Variants in CR1L observed in about 807,000 individuals in gnomAD.
CR1L encodes the protein complement C3b/C4b receptor 1 like, also known as complement component receptor 1-like protein.
Under a neutral mutation model 62.3 loss-of-function variants are expected in CR1L, and 59 were observed. The observed-to-expected ratio is 0.95, with a 90% confidence interval of 0.77 to 1.18. CR1L has a LOEUF of 1.18. Ranked by LOEUF, CR1L falls within the 50% of genes most tolerant of loss-of-function variation. CR1L has a pLI of 0.00. For synonymous variants in CR1L, 279 were observed against 248.7 expected (o/e 1.12, Z -1.15); for missense variants, 700 against 702.8 (o/e 1.00, Z 0.04).
At chr1:207,692,909 T>A (rs1168591972) in intron 4 of CR1L, among the ~76,000 whole-genome samples, 1 of 152,234 alleles carries the variant, frequency 6.6e-6, no homozygotes, top group Non-Finnish European at 1.5e-5. Flanking sequence ...TGTTTCCTTC[T>A]TATTGCAATT....
Position 207,713,759 on chromosome 1 carries a change from G to A in CR1L, c.1415-3705G>A, listed in dbSNP as rs998807645. ...CCCAAACAGGGGTCCCCACGACCCC[G>A]AAGCCCAGAGGGGGTGTAACAGCAT... On this transcript the variant is annotated intron_variant, in intron 10 of 11. Coordinates refer to ENST00000508064, the MANE Select transcript of CR1L (RefSeq NM_175710.2). Among the ~76,000 whole-genome samples the A allele has an allele frequency of 3.3e-5, 5 of 152,228 alleles. No homozygotes were observed. In the South Asian group the frequency reaches 8.3e-4, roughly 25 times the overall value.
At chr1:207,647,662 G>T (rs373831755) in intron 1 of CR1L, among the ~76,000 whole-genome samples, 1 of 152,158 alleles carries the variant, frequency 6.6e-6, no homozygotes, top group Admixed American at 6.5e-5. Context: ...CTAGGAAAAA[G>T]TCCCTCCTGC....
intron 3 of CR1L, among the ~76,000 whole-genome samples, chr1:207,680,544 A>ATTT (rs61550356): frequency 5.9e-5 from 9 of 151,410 alleles, no homozygotes; most frequent in South Asian, 2.1e-4. Context: ...AAATAAAAAA[A>ATTT]TTTTTTTTTT....
intron 4 of CR1L, among the ~76,000 whole-genome samples, chr1:207,689,556 T>A (rs796581027): frequency 6.6e-6 from 1 of 152,152 alleles, no homozygotes; most frequent in Non-Finnish European, 1.5e-5. Flanking sequence ...TCAAGAGATC[T>A]TTGGTTATAA....
At position 207,660,260 on chromosome 1, in the gene CR1L, A is replaced by G. The variant is rs189013070; in HGVS notation, c.97+14930A>G. 2.3e-3 allele frequency among the ~76,000 whole-genome samples: 352 copies of G among 152,300 alleles called. 14 individuals are homozygous for G. Among genetic ancestry groups the G allele is most frequent in the Admixed American group, 0.021 (323 of 15,306 alleles). The stretch of plus-strand genomic sequence containing the variant: ...CCCCCGTATAGCCTAACTGGGAGAC[A>G]CCTCCCAATAGGGGCTGACAGACAC... On this transcript the variant is annotated intron_variant, in intron 1 of 11. Transcript: ENST00000508064.
chr1:207,679,140 G>A (rs1476998367), intron 3 of CR1L, among the ~76,000 whole-genome samples: 1 of 149,780 alleles, frequency 6.7e-6, no homozygotes, highest in African/African-American at 2.5e-5. Flanking sequence ...TGGGACAACA[G>A]GTGCCCACCA....
At chr1:207,665,988 T>C (rs183095428) in intron 1 of CR1L, among the ~76,000 whole-genome samples, 6 of 152,354 alleles carry the variant, frequency 3.9e-5, no homozygotes, top group Admixed American at 3.9e-4. Context: ...GAAGCCGCAC[T>C]GAGTAGAGAA....
intron 1 of CR1L, among the ~76,000 whole-genome samples, chr1:207,653,471 C>T (rs1158819790): frequency 6.6e-6 from 1 of 152,182 alleles, no homozygotes; most frequent in East Asian, 1.9e-4. Context: ...AACTGAGTGT[C>T]CCCTATTTAA....
intron 11 of CR1L, among the ~76,000 whole-genome samples, 197 bp downstream of exon 11, chr1:207,717,888 T>C (rs1016952651): frequency 6.6e-6 from 1 of 152,058 alleles, no homozygotes; most frequent in African/African-American, 2.4e-5. Flanking sequence ...CTGATGGCCT[T>C]TGGGGTGAGG....
rs371067231 is a variant in CR1L, at chr1:207,676,249, A to AT, written c.98-1130dup. ...AGACTTTTTAAATGGATGGATGCTGATTTTTTTTTTAAAAAAAGAGCCCAT... is the reference window on the plus strand; with the variant it reads ...AGACTTTTTAAATGGATGGATGCTGATTTTTTTTTTTAAAAAAAGAGCCCAT... On this transcript the variant is annotated intron_variant, in intron 1 of 11. Transcript: ENST00000508064. Among the ~76,000 whole-genome samples, 984 of 150,812 alleles carry AT rather than the reference A, an allele frequency of 6.5e-3. 15 individuals are homozygous for AT. Among genetic ancestry groups the AT allele is most frequent in the African/African-American group, 0.022 (914 of 41,240 alleles).
chr1:207,678,297 G>T lies in CR1L; in HGVS notation c.377G>T (p.Gly126Val), dbSNP rs372512321. The T allele has an allele frequency of 1.9e-6, 3 of 1,612,218 alleles. No individual in the cohort carries two copies. The South Asian group carries it at 3.3e-5, about 18-fold the overall frequency. The change falls in exon 3 of 12, where the codon GGA becomes GTA. Residue 126 changes from glycine (G) to valine (V), a missense_variant and splice_region_variant. Transcript: ENST00000508064. ...CAAATTAAATATTCTTGTCCTAAAG[G>T]GTGAGTTGGCATCTCTTGAACCAAC... ...RSQIKYSCPK[G>V]YRLIGSSSAT... is the part of the protein sequence containing the mutation.
intron 1 of CR1L, chr1:207,658,551 G>C (rs1022654713): frequency 2.0e-5 from 3 of 152,548 alleles, no homozygotes; most frequent in African/African-American, 7.2e-5. Context: ...ACTTGCTGGT[G>C]GAGCCCAACC....
intron 3 of CR1L, among the ~76,000 whole-genome samples, chr1:207,682,611 C>T (rs1397436485): frequency 1.3e-5 from 2 of 152,152 alleles, no homozygotes; most frequent in African/African-American, 4.8e-5. Context: ...GGCACTGTTT[C>T]GTTGTTTGAA....
At chr1:207,684,068 T>C in intron 4 of CR1L, 111 bp downstream of exon 4, 3 of 964,316 alleles carry the variant, frequency 3.1e-6, no homozygotes, top group Non-Finnish European at 4.6e-6. Flanking sequence ...TTCACATGGC[T>C]GAAGACAGCC....
chr1:207,718,954 TG>T (rs1364364252), intron 11 of CR1L, among the ~76,000 whole-genome samples: 1 of 149,668 alleles, frequency 6.7e-6, no homozygotes, highest in Non-Finnish European at 1.5e-5. Flanking sequence ...TCATGTCCTT[TG>T]TAGGGACATG....
intron 11 of CR1L, among the ~76,000 whole-genome samples, chr1:207,721,258 T>C (rs868299632): frequency 2.0e-5 from 3 of 152,064 alleles, no homozygotes; most frequent in South Asian, 4.2e-4. Flanking sequence ...TAGTTACATA[T>C]GTATACATGT....
intron 8 of CR1L, 99 bp from the exon 9 acceptor site, chr1:207,701,420 G>C: frequency 1.4e-6 from 2 of 1,456,460 alleles, no homozygotes; most frequent in Non-Finnish European, 9.5e-7. Flanking sequence ...TATCAGAACT[G>C]CGTGTTTTCT....
intron 1 of CR1L, among the ~76,000 whole-genome samples, chr1:207,675,972 T>C (rs1419019294): frequency 6.6e-6 from 1 of 152,178 alleles, no homozygotes; most frequent in South Asian, 2.1e-4. Flanking sequence ...CCAACATTGG[T>C]GGCTGCTACT....
intron 10 of CR1L, among the ~76,000 whole-genome samples, chr1:207,712,222 C>A (rs1664370717): frequency 6.6e-6 from 1 of 152,210 alleles, no homozygotes; most frequent in Admixed American, 6.5e-5. Flanking sequence ...ATGGGGAAAT[C>A]TGTAAAACAG....
Sources: allele counts gnomAD v4.1 joint callset (sites outside exome capture counted in the v4.1 genomes callset), GRCh38; gene constraint gnomAD v4.1.1; transcripts MANE v1.5; gene names NCBI Gene and HGNC (gene_info 2026-07-23, HGNC 2026-07-21).